The following CLEC18A variants were observed in gnomAD, a reference collection of about 807,000 sequenced individuals.
CLEC18A encodes the protein mannose receptor-like 1.
A neutral mutation model predicts 24.0 loss-of-function variants in CLEC18A; 5 were observed. That is an observed-to-expected ratio of 0.21 (90% CI 0.11 to 0.44). The LOEUF is 0.44. Ranked by LOEUF, CLEC18A falls within the 20% of genes least tolerant of loss-of-function variation. The pLI, the probability that CLEC18A is intolerant of heterozygous loss-of-function variation, is 0.99. For missense variants in CLEC18A, 83 were observed against 233.4 expected (o/e 0.36, Z 4.20); for synonymous variants, 29 against 100.1 (o/e 0.29, Z 4.24).
At chr16:69,954,874 A>G (rs916932578) in intron 3 of CLEC18A, among the ~76,000 whole-genome samples, 1 of 151,754 alleles carries the variant, frequency 6.6e-6, no homozygotes, top group African/African-American at 2.4e-5. Context: ...ATGGCTTTAT[A>G]CTTTTAGTAG....
downstream of CLEC18A, among the ~76,000 whole-genome samples, chr16:69,965,121 G>A (rs1156902719): frequency 6.6e-6 from 1 of 151,526 alleles, no homozygotes; most frequent in Non-Finnish European, 1.5e-5. Flanking sequence ...CTCTCCCACT[G>A]CTTCCCATGG....
At chr16:69,951,193 A>AG, upstream of CLEC18A, 1 of 1,433,534 alleles carries the variant, frequency 7.0e-7, no homozygotes, top group Non-Finnish European at 9.2e-7. Flanking sequence ...TTTTCATGCC[A>AG]GCGCCAACAG....
rs745970823 is a variant in CLEC18A at position 69,954,564 on chromosome 16, C to T, written c.447C>T (p.His149=). 2 of 1,610,732 alleles carry T rather than the reference C, an allele frequency of 1.2e-6. No individual in the cohort carries two copies. Among genetic ancestry groups the T allele is most frequent in the African/African-American group, 2.7e-5 (2 of 74,880 alleles). The change falls in exon 3 of 12, where the codon CAC becomes CAT. Residue 149 remains histidine, a synonymous_variant. Transcript: ENST00000288040. ...GTGCTCGCAACGCCACCTGCACCCA[C>T]TACACGCAGGTGAGTGTGCTGCAGG... ...GECARNATCT[H]YTQLVWATSS...
downstream of CLEC18A, among the ~76,000 whole-genome samples, chr16:69,965,407 C>G (rs535552105): frequency 6.6e-6 from 1 of 151,056 alleles, no homozygotes; most frequent in Admixed American, 6.6e-5. Context: ...CGCCCCTTGT[C>G]CGGGGCCACG....
downstream of CLEC18A, among the ~76,000 whole-genome samples, chr16:69,964,890 C>G (rs62050611): frequency 6.6e-6 from 1 of 151,804 alleles, no homozygotes; most frequent in South Asian, 2.1e-4. Context: ...CAGCCTCGAA[C>G]TCCCAGGCTC....
chr16:69,948,386 TG>T, upstream of CLEC18A, among the ~76,000 whole-genome samples: 1 of 144,348 alleles, frequency 6.9e-6, no homozygotes, highest in African/African-American at 2.6e-5. Flanking sequence ...TTTTTTTGTT[TG>T]TTTGTTTGTT....
At chr16:69,945,525 G>T in the CLEC18A span, among the ~76,000 whole-genome samples, 2 of 152,068 alleles carry the variant, frequency 1.3e-5, no homozygotes, top group African/African-American at 2.4e-5. Flanking sequence ...AATTTTTTTT[G>T]AGATGGATCT....
downstream of CLEC18A, among the ~76,000 whole-genome samples, chr16:69,966,314 A>G (rs1249827411): frequency 6.8e-6 from 1 of 146,262 alleles, no homozygotes; most frequent in Non-Finnish European, 1.5e-5. Context: ...CTCCATCTTG[A>G]GTAGGCGCTG....
downstream of CLEC18A, among the ~76,000 whole-genome samples, chr16:69,966,491 C>G (rs1270044539): frequency 2.1e-5 from 3 of 142,462 alleles, no homozygotes; most frequent in African/African-American, 8.0e-5. Flanking sequence ...CACTGCTACA[C>G]TCCCACCAGC....
chr16:69,950,484 G>A (rs1247151435), upstream of CLEC18A, among the ~76,000 whole-genome samples: 5 of 107,428 alleles, frequency 4.7e-5, no homozygotes, highest in African/African-American at 1.4e-4. Flanking sequence ...GCCACGGCCG[G>A]GCCACGGCAC....
chr16:69,951,992 T>TC (rs2058957767), intron 1 of CLEC18A, 43 bp from the exon 2 acceptor site: 4 of 486,092 alleles, frequency 8.2e-6, no homozygotes, highest in Non-Finnish European at 1.4e-5. Context: ...TGGGTTCAGG[T>TC]CCCCCCATCC....
Position 69,953,917 on chromosome 16 carries a change from G to A in CLEC18A, c.217-417G>A, listed in dbSNP as rs547579230. On this transcript the variant is annotated intron_variant, in intron 2 of 11. Transcript: ENST00000288040. Reference sequence around the variant, plus strand: ...GGGGGCAGGAGACTAGGGCAGAGAGGCGTGGCTGTAGGGCTTTTTGCATCA... The same window carrying A: ...GGGGGCAGGAGACTAGGGCAGAGAGACGTGGCTGTAGGGCTTTTTGCATCA... The A allele has an allele frequency of 7.5e-3, 2,453 of 326,378 alleles. 31 individuals carry two copies. Among genetic ancestry groups the A allele is most frequent in the Middle Eastern group, 0.013 (12 of 932 alleles). 20.2% of individuals were successfully genotyped at this position (326,378 alleles called of 1,614,324 possible).
chr16:69,955,731 T>C (rs1238617826), intron 3 of CLEC18A, among the ~76,000 whole-genome samples: 1 of 132,932 alleles, frequency 7.5e-6, no homozygotes, highest in Non-Finnish European at 1.5e-5. Context: ...GCCCTGCTCC[T>C]CCCCTTTTCC....
chr16:69,954,942 C>T (rs530475906), intron 3 of CLEC18A, among the ~76,000 whole-genome samples: 217 of 152,032 alleles, frequency 1.4e-3, no homozygotes, highest in African/African-American at 4.9e-3. Context: ...TCAAGTGATC[C>T]ACCCACCTCA....
chr16:69,966,600 A>T (rs1959399620), downstream of CLEC18A, among the ~76,000 whole-genome samples: 2 of 134,754 alleles, frequency 1.5e-5, no homozygotes, highest in African/African-American at 5.8e-5. Context: ...TTAGCATATA[A>T]TCAATAAATA....
At chr16:69,954,855 G>T (rs1199025666) in intron 3 of CLEC18A, among the ~76,000 whole-genome samples, 2 of 151,682 alleles carry the variant, frequency 1.3e-5, no homozygotes, top group Admixed American at 1.3e-4. Flanking sequence ...GTGCCACCAG[G>T]CCTGGCTAAT....
upstream of CLEC18A, among the ~76,000 whole-genome samples, chr16:69,945,855 G>A (rs1241024380): frequency 6.6e-6 from 1 of 151,986 alleles, no homozygotes; most frequent in East Asian, 1.9e-4. Flanking sequence ...CACTTTGGGA[G>A]GCCAAGGTGG....
downstream of CLEC18A, among the ~76,000 whole-genome samples, chr16:69,965,093 C>T (rs1423198372): frequency 2.0e-5 from 3 of 151,648 alleles, no homozygotes; most frequent in Non-Finnish European, 4.4e-5. Context: ...TGAGGCCCGG[C>T]GCCGGCCCAG....
downstream of CLEC18A, among the ~76,000 whole-genome samples, chr16:69,965,071 G>T (rs1355087162): frequency 6.6e-6 from 1 of 151,770 alleles, no homozygotes; most frequent in East Asian, 1.9e-4. Flanking sequence ...CAAAGTGCTG[G>T]GGTTACAGGC....
Sources: gnomAD v4.1 joint callset for allele counts (sites outside exome capture counted in the v4.1 genomes callset) on GRCh38, gnomAD v4.1.1 for gene constraint, MANE v1.5 for transcripts, NCBI Gene and HGNC (gene_info 2026-07-23, HGNC 2026-07-21) for gene names.